Variants in ANKRD11 observed in about 807,000 individuals in gnomAD.
ANKRD11 encodes ankyrin repeat domain 11.
A neutral mutation model predicts 195.7 loss-of-function variants in ANKRD11; 17 were observed. The observed-to-expected ratio is 0.09, with a 90% CI of 0.06 to 0.13. ANKRD11 has a LOEUF of 0.13. Ranked by LOEUF, ANKRD11 falls within the 10% of genes least tolerant of loss-of-function variation. The pLI, the probability that ANKRD11 is intolerant of heterozygous loss-of-function variation, is 1.00. For missense variants in ANKRD11, 3,735 were observed against 3,566.1 expected, an observed-to-expected ratio of 1.05 and a Z score of -1.21; for synonymous variants, 1,953 against 1,528.1, an observed-to-expected ratio of 1.28 and a Z score of -6.49.
At chr16:89,321,938 T>G (rs1324386130) in intron 2 of ANKRD11, among the ~76,000 whole-genome samples, 3 of 152,222 alleles carry the variant, frequency 2.0e-5, no homozygotes, top group African/African-American at 7.2e-5. Flanking sequence ...GACCCGCTGC[T>G]GCTGCGCGAG....
intron 3 of ANKRD11, among the ~76,000 whole-genome samples, chr16:89,309,075 G>C (rs1258242757): frequency 6.6e-6 from 1 of 151,876 alleles, no homozygotes; most frequent in African/African-American, 2.4e-5. Context: ...ACCACCAGAA[G>C]ACAAGAGAAC....
intron 2 of ANKRD11, among the ~76,000 whole-genome samples, chr16:89,405,060 G>A (rs558513223): frequency 6.6e-6 from 1 of 151,894 alleles, no homozygotes; most frequent in African/African-American, 2.4e-5. Context: ...AACACAGCCC[G>A]ACGCCCCGTC....
intron 9 of ANKRD11, among the ~76,000 whole-genome samples, chr16:89,276,232 C>T (rs926823558): frequency 5.3e-5 from 8 of 152,300 alleles, no homozygotes; most frequent in African/African-American, 1.9e-4. Flanking sequence ...CACCTGCAGG[C>T]GGAAGGGGTG....
intron 2 of ANKRD11, among the ~76,000 whole-genome samples, chr16:89,331,574 G>A (rs898703782): frequency 5.3e-5 from 8 of 152,158 alleles, no homozygotes; most frequent in African/African-American, 1.7e-4. Flanking sequence ...CTGGGTGTGT[G>A]GTGACACTGA....
intron 1 of ANKRD11, among the ~76,000 whole-genome samples, chr16:89,476,501 G>A (rs2057263450): frequency 6.6e-6 from 1 of 152,218 alleles, no homozygotes; most frequent in Admixed American, 6.5e-5. Flanking sequence ...CAGGAGAGGT[G>A]CCTGGACCAG....
chr16:89,342,938 A>T (rs2038760388), intron 2 of ANKRD11, among the ~76,000 whole-genome samples: 1 of 152,214 alleles, frequency 6.6e-6, no homozygotes, highest in Non-Finnish European at 1.5e-5. Flanking sequence ...AACAGGCATC[A>T]TTTACATGCT....
chr16:89,380,361 C>G (rs2152103051), intron 2 of ANKRD11, among the ~76,000 whole-genome samples: 1 of 152,284 alleles, frequency 6.6e-6, no homozygotes, highest in Admixed American at 6.5e-5. Flanking sequence ...ATCCACCCAC[C>G]TCGGCCTCCC....
At chr16:89,487,912 A>G (rs1327939190) in intron 1 of ANKRD11, among the ~76,000 whole-genome samples, 2 of 151,934 alleles carry the variant, frequency 1.3e-5, no homozygotes, top group African/African-American at 2.4e-5. Context: ...TACCGCTAAC[A>G]TGGCAGCCGC....
intron 1 of ANKRD11, among the ~76,000 whole-genome samples, chr16:89,429,900 G>T: frequency 2.2e-5 from 1 of 46,126 alleles, no homozygotes; most frequent in Admixed American, 2.2e-4. Flanking sequence ...CTCAACTCTC[G>T]CGCTCAGACG....
intron 2 of ANKRD11, among the ~76,000 whole-genome samples, chr16:89,357,120 G>A (rs1371240745): frequency 6.6e-6 from 1 of 152,244 alleles, no homozygotes; most frequent in Non-Finnish European, 1.5e-5. Flanking sequence ...GAGGGACAGT[G>A]TAAGGAAGGT....
intron 2 of ANKRD11, among the ~76,000 whole-genome samples, chr16:89,371,503 G>A (rs2040191426): frequency 6.6e-6 from 1 of 151,832 alleles, no homozygotes; most frequent in Non-Finnish European, 1.5e-5. Context: ...TATGTGGTCT[G>A]TAGTCTGTGC....
In ANKRD11 at chr16:89,284,565, G is replaced by A. The variant is rs749201074; in HGVS notation, c.1977C>T (p.Tyr659=). 8.1e-6 allele frequency: 13 copies of A among 1,613,936 alleles called. No homozygotes were observed. The highest frequency in any genetic ancestry group is 4.4e-5 in the South Asian group (4 of 91,090). ...SQELKLKSFT[Y]EYEDSKQKSD... ...ACTTCTGCTTGGAGTCCTCATATTC[G>A]TAAGTAAAACTTTTCAACTTCAGCT... The change falls in exon 9 of 13, where the codon TAC becomes TAT. Residue 659 remains tyrosine (Y), a synonymous_variant. Coordinates refer to ENST00000301030, the MANE Select transcript of ANKRD11 (RefSeq NM_013275.6).
In ANKRD11 at chr16:89,280,519, A is replaced by G. The variant is rs1486441800; in HGVS notation, c.6023T>C (p.Phe2008Ser). 6.2e-7 allele frequency: 1 copy of G among 1,610,992 alleles called. No homozygotes were observed. The highest frequency in any genetic ancestry group is 1.7e-5 in the Admixed American group (1 of 59,884). The stretch of plus-strand genomic sequence containing the variant: ...GGGGTACGGCGCCTCCGAGGCGCTG[A>G]AGGGCCCTGGGGCGGCAGAGTGGAG... ...DPLHSAAPGP[F>S]SASEAPYPAP... Residue 2008 changes from phenylalanine (F) to serine (S), a missense_variant, in exon 9 of 13, where the codon TTC becomes TCC. Physicochemically the swap from Phe to Ser is radical, Grantham distance 155. Transcript: ENST00000301030.
intron 2 of ANKRD11, among the ~76,000 whole-genome samples, chr16:89,390,609 AAAG>A (rs2041148524): frequency 6.6e-6 from 1 of 152,200 alleles, no homozygotes; most frequent in African/African-American, 2.4e-5. Flanking sequence ...ACAGAGGTGA[AAAG>A]AAAATCTTAA....
intron 3 of ANKRD11, among the ~76,000 whole-genome samples, chr16:89,309,040 G>C (rs1597574096): frequency 6.6e-6 from 1 of 152,176 alleles, no homozygotes; most frequent in African/African-American, 2.4e-5. Context: ...GAAGCTTCTA[G>C]AAGACAGCAC....
chr16:89,398,725 C>T (rs778674568), intron 2 of ANKRD11, among the ~76,000 whole-genome samples: 4 of 151,798 alleles, frequency 2.6e-5, no homozygotes, highest in African/African-American at 9.7e-5. Flanking sequence ...GCCTCAGTGA[C>T]AGAGAGAGAT....
At chr16:89,389,589 A>T (rs2041080064) in intron 2 of ANKRD11, among the ~76,000 whole-genome samples, 2 of 152,228 alleles carry the variant, frequency 1.3e-5, no homozygotes, top group Admixed American at 1.3e-4. Context: ...ACGCTGTGTG[A>T]GACGAAAATC....
chr16:89,330,440 G>A (rs1425819938), intron 2 of ANKRD11, among the ~76,000 whole-genome samples: 1 of 152,080 alleles, frequency 6.6e-6, no homozygotes, highest in Non-Finnish European at 1.5e-5. Context: ...CTGGCAGAAG[G>A]CCCAAATTCC....
chr16:89,311,631 G>C (rs2036611764), intron 3 of ANKRD11, among the ~76,000 whole-genome samples: 1 of 152,104 alleles, frequency 6.6e-6, no homozygotes, highest in African/African-American at 2.4e-5. Flanking sequence ...CAAACTTACA[G>C]AACACAGGAA....
Sources: gnomAD v4.1 joint callset for allele counts (sites outside exome capture counted in the v4.1 genomes callset) on GRCh38, gnomAD v4.1.1 for gene constraint, MANE v1.5 for transcripts, NCBI Gene and HGNC (gene_info 2026-07-23, HGNC 2026-07-21) for gene names.